Variants in LRP1B observed in about 807,000 individuals in gnomAD.
The protein encoded by LRP1B is LDL receptor related protein 1B.
In LRP1B, 217 loss-of-function variants were observed where a neutral mutation model predicts 556.6. The ratio of observed to expected loss-of-function variants is 0.39; its 90% CI spans 0.35 to 0.44. The LOEUF (loss-of-function observed/expected upper bound fraction) is 0.44. Ranked by LOEUF, LRP1B falls within the 20% of genes least tolerant of loss-of-function variation. LRP1B has a pLI of 1.00. For missense variants in LRP1B, 5,053 were observed against 5,620.8 expected (o/e 0.90, Z 3.23); for synonymous variants, 2,047 against 1,865.8 (o/e 1.10, Z -2.50).
chr2:141,136,325 A>G (rs12476507), intron 7 of LRP1B, among the ~76,000 whole-genome samples: 53,897 of 151,566 alleles, frequency 0.36, 10,757 homozygotes, highest in Non-Finnish European at 0.46. Flanking sequence ...CTGATTCTGA[A>G]TCTTCACTGT....
intron 2 of LRP1B, among the ~76,000 whole-genome samples, chr2:141,578,560 A>G (rs1208530915): frequency 1.3e-5 from 2 of 152,172 alleles, no homozygotes; most frequent in Non-Finnish European, 2.9e-5. Flanking sequence ...ATTGGTATTT[A>G]GTAGTGAGTT....
At chr2:140,448,503 C>T (rs913914746) in intron 63 of LRP1B, among the ~76,000 whole-genome samples, 1 of 151,970 alleles carries the variant, frequency 6.6e-6, no homozygotes, top group Non-Finnish European at 1.5e-5. Flanking sequence ...ACCAGCCAGG[C>T]AAAGAAAGAC....
chr2:140,449,629 T>C (rs995650202), intron 63 of LRP1B, among the ~76,000 whole-genome samples: 1 of 152,192 alleles, frequency 6.6e-6, no homozygotes, highest in Non-Finnish European at 1.5e-5. Context: ...AACTTCAGTA[T>C]GTGAGAGACT....
At chr2:141,292,643 T>C (rs1573764444) in intron 3 of LRP1B, among the ~76,000 whole-genome samples, 2 of 152,166 alleles carry the variant, frequency 1.3e-5, no homozygotes, top group South Asian at 4.1e-4. Flanking sequence ...CCCTCTGTAG[T>C]ATTCCTCCCG....
chr2:140,466,265 C>T (rs1687545263), intron 60 of LRP1B, among the ~76,000 whole-genome samples: 1 of 151,630 alleles, frequency 6.6e-6, no homozygotes, highest in African/African-American at 2.4e-5. Context: ...GTCTTCAGAA[C>T]AAATTCTTAA....
At chr2:141,958,054 C>T (rs1248306625) in intron 1 of LRP1B, among the ~76,000 whole-genome samples, 1 of 152,028 alleles carries the variant, frequency 6.6e-6, no homozygotes, top group East Asian at 1.9e-4. Flanking sequence ...ATTTTTCACT[C>T]ATGAGATTCA....
At chr2:140,431,743 G>C (rs1685953811) in intron 66 of LRP1B, among the ~76,000 whole-genome samples, 1 of 151,924 alleles carries the variant, frequency 6.6e-6, no homozygotes, top group African/African-American at 2.4e-5. Flanking sequence ...ACTGTATCCA[G>C]GCCATGACCA....
chr2:141,368,897 G>T (rs1187536225), intron 3 of LRP1B, among the ~76,000 whole-genome samples: 1 of 151,888 alleles, frequency 6.6e-6, no homozygotes, highest in African/African-American at 2.4e-5. Context: ...TTTCTCTAAA[G>T]CTTACAAAAT....
At chr2:140,470,577 G>A (rs982114509) in intron 60 of LRP1B, among the ~76,000 whole-genome samples, 15 of 148,490 alleles carry the variant, frequency 1.0e-4, no homozygotes, top group East Asian at 2.0e-4. Context: ...CCTGGGAGGC[G>A]GAGTTTGCAG....
chr2:140,554,043 A>G (rs913106890), intron 43 of LRP1B, among the ~76,000 whole-genome samples: 1 of 152,126 alleles, frequency 6.6e-6, no homozygotes, highest in Non-Finnish European at 1.5e-5. Context: ...GATACACCAG[A>G]GAGTAGTAGT....
At chr2:141,254,105 G>T (rs373987582) in intron 4 of LRP1B, among the ~76,000 whole-genome samples, 20 of 152,006 alleles carry the variant, frequency 1.3e-4, no homozygotes, top group African/African-American at 4.8e-4. Flanking sequence ...TATTGCTATG[G>T]TTAAAATGCC....
chr2:141,533,047 T>C (rs112503154), intron 2 of LRP1B, among the ~76,000 whole-genome samples: 70 of 152,226 alleles, frequency 4.6e-4, no homozygotes, highest in African/African-American at 1.5e-3. Context: ...ATAGGTCATA[T>C]TACGTTCACC....
chr2:141,968,607 A>C (rs1305780007), intron 1 of LRP1B, among the ~76,000 whole-genome samples: 1 of 151,824 alleles, frequency 6.6e-6, no homozygotes, highest in African/African-American at 2.4e-5. Flanking sequence ...CACATGAAAA[A>C]AAAGTGAGTT....
intron 87 of LRP1B, among the ~76,000 whole-genome samples, chr2:140,243,212 AT>A (rs1423773560): frequency 6.6e-6 from 1 of 151,154 alleles, no homozygotes; most frequent in Non-Finnish European, 1.5e-5. Context: ...TAGGAGATAA[AT>A]CAATATTGAG....
chr2:140,776,575 T>C (rs1689507965), intron 32 of LRP1B, among the ~76,000 whole-genome samples: 1 of 151,746 alleles, frequency 6.6e-6, no homozygotes, highest in Admixed American at 6.6e-5. Flanking sequence ...GCTTTTATTA[T>C]TTACATACTT....
chr2:141,093,297 A>C (rs549745853), intron 7 of LRP1B, among the ~76,000 whole-genome samples: 1 of 152,138 alleles, frequency 6.6e-6, no homozygotes, highest in East Asian at 1.9e-4. Context: ...TTGCACATGG[A>C]AGTCCTCGTC....
intron 4 of LRP1B, among the ~76,000 whole-genome samples, chr2:141,249,456 G>C (rs1245950331): frequency 6.6e-6 from 1 of 152,128 alleles, no homozygotes; most frequent in African/African-American, 2.4e-5. Context: ...AATTAGCCAG[G>C]CATGGTGGTG....
intron 1 of LRP1B, among the ~76,000 whole-genome samples, chr2:141,910,018 G>C (rs1699865954): frequency 6.6e-6 from 1 of 151,714 alleles, no homozygotes; most frequent in African/African-American, 2.4e-5. Flanking sequence ...GAAATAAAAG[G>C]AAGGTGCTAT....
At chr2:142,066,019 T>C (rs760002783) in intron 1 of LRP1B, among the ~76,000 whole-genome samples, 16 of 151,396 alleles carry the variant, frequency 1.1e-4, no homozygotes, top group Non-Finnish European at 1.6e-4. Flanking sequence ...ATAACAATTA[T>C]AGATATTCTG....
Sources: allele counts gnomAD v4.1 joint callset (sites outside exome capture counted in the v4.1 genomes callset), GRCh38; gene constraint gnomAD v4.1.1; transcripts MANE v1.5; gene names NCBI Gene and HGNC (gene_info 2026-07-23, HGNC 2026-07-21).